The following PAN3 variants were observed in gnomAD, a reference collection of about 807,000 sequenced individuals.
PAN3 encodes the protein poly(A) specific ribonuclease subunit PAN3.
A neutral mutation model predicts 96.2 loss-of-function variants in PAN3; 19 were observed. That is an observed-to-expected ratio of 0.20 (90% CI 0.14 to 0.29). The LOEUF is 0.29. Ranked by LOEUF, PAN3 falls within the 10% of genes least tolerant of loss-of-function variation. The pLI, the probability that PAN3 is intolerant of heterozygous loss-of-function variation, is 1.00. For synonymous variants in PAN3, 433 were observed against 406.6 expected, an observed-to-expected ratio of 1.06 and a Z score of -0.78; for missense variants, 882 against 1,108.1, an observed-to-expected ratio of 0.80 and a Z score of 2.90.
rs189998657 is a variant in PAN3 at position 28,145,987 on chromosome 13, C to T, written c.430+6900C>T. On this transcript the variant is annotated intron_variant, in intron 1 of 18. Transcript: ENST00000380958. ...TTCACCATGTTGGCCAGGCTGGTCT[C>T]GAACCCCTAACTTCAAGGCTGCCTC... Among the ~76,000 whole-genome samples the T allele has an allele frequency of 4.1e-3, 623 of 151,998 alleles. 8 individuals are homozygous for T. The highest frequency in any genetic ancestry group is 0.014 in the African/African-American group (596 of 41,486).
chr13:28,152,223 A>G (rs1383536578), intron 1 of PAN3, among the ~76,000 whole-genome samples: 1 of 152,200 alleles, frequency 6.6e-6, no homozygotes, highest in Non-Finnish European at 1.5e-5. Flanking sequence ...CCTTAAAAAA[A>G]AGGCTAGTTT....
chr13:28,179,005 A>AATTT lies in PAN3; in HGVS notation c.690+1070_690+1071insATTT, dbSNP rs779137132. Among the ~76,000 whole-genome samples, 19 of 152,230 alleles carry AATTT rather than the reference A, an allele frequency of 1.2e-4. No individual in the cohort carries two copies. The East Asian group carries it at 1.3e-3, about 11-fold the overall frequency. ...AGAAAAAAAAGTTATGAAGACTGAT[A>AATTT]TAAATTATGTTAAAACCTCATGTAC... On this transcript the variant is annotated intron_variant, in intron 4 of 18. Coordinates refer to ENST00000380958, the MANE Select transcript of PAN3 (RefSeq NM_175854.8).
chr13:28,155,294 G>A (rs1006123903), intron 1 of PAN3, among the ~76,000 whole-genome samples: 5 of 151,880 alleles, frequency 3.3e-5, no homozygotes, highest in African/African-American at 1.2e-4. Context: ...ATAGATGTTG[G>A]GGAATACAAA....
intron 1 of PAN3, among the ~76,000 whole-genome samples, chr13:28,149,193 A>G (rs1871061086): frequency 6.6e-6 from 1 of 152,004 alleles, no homozygotes; most frequent in Non-Finnish European, 1.5e-5. Flanking sequence ...TGTTTCTACT[A>G]AAAATAAAAA....
chr13:28,287,997 C>A lies in PAN3; in HGVS notation c.2398C>A (p.Pro800Thr). ...INERPEFQKD[P>T]TWSETGDRYL... ...CATTTCCCCCAGGTTTCAGAAGGAT[C>A]CCACTTGGTCAGAGACTGGAGACCG... The change falls in exon 18 of 19, where the codon CCC becomes ACC. Residue 800 changes from proline (P) to threonine (T), a missense_variant. By Grantham distance (38) the Pro-to-Thr change is conservative. Transcript: ENST00000380958. 1 of 1,610,142 alleles carries A rather than the reference C, an allele frequency of 6.2e-7. No homozygotes were observed. Among genetic ancestry groups the A allele is most frequent in the Non-Finnish European group, 8.5e-7 (1 of 1,178,798 alleles).
chr13:28,155,169 C>G (rs1871971499), intron 1 of PAN3, among the ~76,000 whole-genome samples: 2 of 152,094 alleles, frequency 1.3e-5, no homozygotes, highest in Admixed American at 1.3e-4. Flanking sequence ...TCTGATACCT[C>G]TGCAGGTAAC....
intron 17 of PAN3, among the ~76,000 whole-genome samples, chr13:28,284,251 G>T (rs1868675869): frequency 6.6e-6 from 1 of 152,056 alleles, no homozygotes; most frequent in African/African-American, 2.4e-5. Flanking sequence ...ATGTTTGAGG[G>T]TCTGTTTTAT....
At chr13:28,291,814 A>G (rs1184079142) in intron 18 of PAN3, among the ~76,000 whole-genome samples, 1 of 152,166 alleles carries the variant, frequency 6.6e-6, no homozygotes, top group Non-Finnish European at 1.5e-5. Flanking sequence ...CTGGGCAACG[A>G]GCGAAACTCC....
chr13:28,141,924 T>C (rs1272965249), intron 1 of PAN3, among the ~76,000 whole-genome samples: 1 of 152,172 alleles, frequency 6.6e-6, no homozygotes, highest in Non-Finnish European at 1.5e-5. Context: ...AACTGAGATA[T>C]AGGGACTCGA....
At chr13:28,260,393 G>GA (rs1566238052) in intron 7 of PAN3, 54 bp from the exon 8 acceptor site, 3 of 1,399,138 alleles carry the variant, frequency 2.1e-6, no homozygotes, top group Non-Finnish European at 3.0e-6. Context: ...GACTCCATCT[G>GA]AAAAAAAGAA....
intron 5 of PAN3, among the ~76,000 whole-genome samples, chr13:28,213,613 T>G (rs1880327480): frequency 6.6e-6 from 1 of 150,594 alleles, no homozygotes. Flanking sequence ...TATGGTTATG[T>G]AAGATGTTAC....
chr13:28,256,523 C>T lies in PAN3; in HGVS notation c.1232C>T (p.Ala411Val). The change falls in exon 7 of 19, where the codon GCA becomes GTA. Residue 411 changes from alanine (A) to valine (V), a missense_variant. Ala to Val is a moderately conservative substitution (Grantham distance 64, BLOSUM62 0). This residue lies in a region of PAN3 where 364 missense variants were observed against 513.6 expected (regional missense o/e 0.71). Transcript: ENST00000380958. Reference protein sequence around the residue: ...TTYFYTDTTPAPLTGMVFPNY... With the variant: ...TTYFYTDTTPVPLTGMVFPNY... The stretch of plus-strand genomic sequence containing the variant: ...TACTTCTATACAGACACAACTCCAG[C>T]ACCTTTGACTGGAATGGTATGTCTA... 8 of 1,613,534 alleles carry T rather than the reference C, an allele frequency of 5.0e-6. No homozygotes were observed. The highest frequency in any genetic ancestry group is 6.8e-6 in the Non-Finnish European group (8 of 1,179,692).
chr13:28,172,407 G>C (rs1238616239), intron 1 of PAN3, among the ~76,000 whole-genome samples: 1 of 152,054 alleles, frequency 6.6e-6, no homozygotes, highest in African/African-American at 2.4e-5. Flanking sequence ...AGTGAGCCGA[G>C]ATCACGCCAC....
chr13:28,197,089 C>T, intron 4 of PAN3, 96 bp from the exon 5 acceptor site: 1 of 1,373,388 alleles, frequency 7.3e-7, no homozygotes. Flanking sequence ...TTTCCTATCC[C>T]ACCGTTCCCA....
At chr13:28,214,669 C>T (rs749740837) in intron 5 of PAN3, 7 of 444,988 alleles carry the variant, frequency 1.6e-5, no homozygotes, top group Non-Finnish European at 2.5e-5. Context: ...TGGGAAAGGG[C>T]TCCTTCAAGT....
Position 28,144,208 on chromosome 13 carries a change from TTTG to T in PAN3, c.430+5124_430+5126del, listed in dbSNP as rs1447522054. Reference sequence around the variant, plus strand: ...GTAATACTTGGTTTCGATAAGTTTTTTTGTTTTTTTTTTTTTTTTTTTTTTTGA... The same window carrying T: ...GTAATACTTGGTTTCGATAAGTTTTTTTTTTTTTTTTTTTTTTTTTTTTGA... On this transcript the variant is annotated intron_variant, in intron 1 of 18. Coordinates refer to ENST00000380958, the MANE Select transcript of PAN3 (RefSeq NM_175854.8). Among the ~76,000 whole-genome samples, 25 of 141,106 alleles carry T rather than the reference TTTG, an allele frequency of 1.8e-4. 1 individual carries two copies. The highest frequency in any genetic ancestry group is 7.6e-4 in the African/African-American group (25 of 32,908). 92.6% of individuals were successfully genotyped at this position (141,106 alleles called of 152,430 possible).
intron 1 of PAN3, 80 bp from the exon 2 acceptor site, chr13:28,174,192 T>C: frequency 7.0e-7 from 1 of 1,420,376 alleles, no homozygotes. Context: ...ACTTTACAAC[T>C]TATTTAGGAA....
intron 1 of PAN3, among the ~76,000 whole-genome samples, chr13:28,144,727 T>C (rs1274706044): frequency 2.3e-5 from 3 of 132,344 alleles, no homozygotes; most frequent in Non-Finnish European, 5.3e-5. Flanking sequence ...TCTTTTTTTT[T>C]TTTTTTTTTT....
intron 5 of PAN3, among the ~76,000 whole-genome samples, chr13:28,213,155 A>G (rs994519447): frequency 4.6e-5 from 7 of 152,224 alleles, no homozygotes; most frequent in African/African-American, 1.7e-4. Flanking sequence ...CACCAAAAAA[A>G]TCATACTACA....
Sources: allele counts gnomAD v4.1 joint callset (sites outside exome capture counted in the v4.1 genomes callset), GRCh38; gene constraint gnomAD v4.1.1; regional missense constraint gnomAD v4.1.1; transcripts MANE v1.5; gene names NCBI Gene and HGNC (gene_info 2026-07-23, HGNC 2026-07-21).